RBMS3: variants seen among roughly 807,000 people sequenced by gnomAD.
RBMS3 encodes RNA-binding motif, single-stranded-interacting protein 3.
Under a neutral mutation model 66.8 loss-of-function variants are expected in RBMS3, and 27 were observed. The observed-to-expected ratio is 0.40, with a 90% CI of 0.30 to 0.56. The LOEUF (loss-of-function observed/expected upper bound fraction) is 0.56. Among genes scored for constraint, RBMS3 ranks in the 20% least tolerant of loss-of-function variants. The probability of loss-of-function intolerance (pLI) is 0.40; values close to 1 mark genes in which losing one functional copy is unlikely to be tolerated. For missense variants in RBMS3, 513 were observed against 549.5 expected, an observed-to-expected ratio of 0.93 and a Z score of 0.66; for synonymous variants, 188 against 183.0, an observed-to-expected ratio of 1.03 and a Z score of -0.22.
At chr3:29,331,291 A>C (rs2035639437) in intron 1 of RBMS3, among the ~76,000 whole-genome samples, 1 of 152,104 alleles carries the variant, frequency 6.6e-6, no homozygotes, top group Non-Finnish European at 1.5e-5. Flanking sequence ...GCCTTAGGAC[A>C]GCTGGAGACC....
At chr3:29,415,100 T>C (rs1196185397) in intron 1 of RBMS3, among the ~76,000 whole-genome samples, 1 of 152,328 alleles carries the variant, frequency 6.6e-6, no homozygotes, top group African/African-American at 2.4e-5. Flanking sequence ...AAGATTTATA[T>C]AACGCACATT....
chr3:29,890,034 G>A (rs2059962648), intron 8 of RBMS3, among the ~76,000 whole-genome samples: 1 of 151,624 alleles, frequency 6.6e-6, no homozygotes, highest in Admixed American at 6.6e-5. Flanking sequence ...TGTGTTGTTG[G>A]CAACAAGGAG....
chr3:29,427,133 C>T (rs558648903), intron 1 of RBMS3, among the ~76,000 whole-genome samples: 28 of 152,130 alleles, frequency 1.8e-4, no homozygotes, highest in Non-Finnish European at 3.5e-4. Context: ...TCTTTTATTG[C>T]TTATTTCCAT....
intron 2 of RBMS3, among the ~76,000 whole-genome samples, chr3:29,474,218 G>A (rs548782051): frequency 2.7e-4 from 41 of 152,318 alleles, no homozygotes; most frequent in Middle Eastern, 3.4e-3. Context: ...CTTTTGCTCC[G>A]CATTGTTTGA....
intron 12 of RBMS3, among the ~76,000 whole-genome samples, chr3:29,955,422 T>TA (rs1447027093): frequency 1.3e-5 from 2 of 151,984 alleles, no homozygotes; most frequent in African/African-American, 4.8e-5. Context: ...CTGCCACTCA[T>TA]ACCTTTCAGA....
rs923699872 is a variant in RBMS3 at position 29,281,284 on chromosome 3, A to C, written c.-398A>C. On this transcript the variant is annotated 5_prime_UTR_variant, in exon 1 of 15. Coordinates refer to ENST00000383767, the MANE Select transcript of RBMS3 (RefSeq NM_001003793.3). ...AGAGACAGGAAGCTGATCTGCAAGG[A>C]TTCGGAGTTGTGCTAAAAGGACTTT... is the stretch of plus-strand genomic sequence containing the variant. 5.8e-6 allele frequency: 1 copy of C among 172,528 alleles called. No homozygotes were observed. The highest frequency in any genetic ancestry group is 2.7e-5 in the African/African-American group (1 of 36,934). The allele number at this position is 172,528 out of a possible 1,614,324, so 10.7% of individuals were successfully genotyped here.
chr3:29,622,415 G>A (rs1232216006), intron 4 of RBMS3, among the ~76,000 whole-genome samples: 2 of 152,180 alleles, frequency 1.3e-5, no homozygotes, highest in Non-Finnish European at 2.9e-5. Context: ...TGTTGAGAGT[G>A]TGCATGGGCA....
In RBMS3 at chr3:29,432,613, C is replaced by T. The variant is rs547206986; in HGVS notation, c.76-2130C>T. Among the ~76,000 whole-genome samples the T allele has an allele frequency of 4.6e-5, 7 of 152,230 alleles. 1 individual carries two copies. The East Asian group carries it at 1.3e-3, about 29-fold the overall frequency. On this transcript the variant is annotated intron_variant, in intron 1 of 14. Coordinates refer to ENST00000383767, the MANE Select transcript of RBMS3 (RefSeq NM_001003793.3). ...TGTATATCAGGCACTAGGCTACATACATGACATACTCATGTATGGTTTGAC... is the reference window on the plus strand; with the variant it reads ...TGTATATCAGGCACTAGGCTACATATATGACATACTCATGTATGGTTTGAC...
At chr3:29,965,557 C>G (rs1264944037) in intron 12 of RBMS3, among the ~76,000 whole-genome samples, 1 of 151,946 alleles carries the variant, frequency 6.6e-6, no homozygotes, top group Non-Finnish European at 1.5e-5. Flanking sequence ...CGTCCTTGGC[C>G]CACTTTTTGA....
At chr3:29,464,896 A>G (rs1462800399) in intron 2 of RBMS3, among the ~76,000 whole-genome samples, 2 of 152,184 alleles carry the variant, frequency 1.3e-5, no homozygotes, top group African/African-American at 4.8e-5. Flanking sequence ...ATAACAGAAT[A>G]TTGGACTGAT....
chr3:29,465,545 T>A (rs1000700949), intron 2 of RBMS3, among the ~76,000 whole-genome samples: 121 of 150,352 alleles, frequency 8.0e-4, no homozygotes, highest in African/African-American at 2.7e-3. Flanking sequence ...TGCCCTTATT[T>A]TTTTTTTTTT....
chr3:29,857,535 A>G (rs2059110346), intron 6 of RBMS3, among the ~76,000 whole-genome samples: 2 of 146,970 alleles, frequency 1.4e-5, no homozygotes, highest in Admixed American at 1.4e-4. Flanking sequence ...ACTTGTGGAA[A>G]TGTGGGGACT....
chr3:29,472,026 T>C (rs2042746297), intron 2 of RBMS3, among the ~76,000 whole-genome samples: 1 of 152,128 alleles, frequency 6.6e-6, no homozygotes, highest in African/African-American at 2.4e-5. Flanking sequence ...CCATCAATGC[T>C]ACTACTTTCC....
chr3:29,533,465 C>T (rs1321471567), intron 3 of RBMS3, among the ~76,000 whole-genome samples: 1 of 150,438 alleles, frequency 6.6e-6, no homozygotes, highest in African/African-American at 2.4e-5. Flanking sequence ...CTGGGTGACA[C>T]AGTGAGGCCC....
At chr3:29,377,372 G>A (rs1363500477) in intron 1 of RBMS3, among the ~76,000 whole-genome samples, 4 of 152,178 alleles carry the variant, frequency 2.6e-5, no homozygotes, top group Non-Finnish European at 5.9e-5. Flanking sequence ...GGGATGTTTA[G>A]AGGTTCCCCA....
Position 29,376,950 on chromosome 3 carries a change from G to A in RBMS3, c.76-57793G>A, listed in dbSNP as rs575818728. Among the ~76,000 whole-genome samples, 8 of 152,018 alleles carry A rather than the reference G, an allele frequency of 5.3e-5. No individual in the cohort carries two copies. The South Asian group carries it at 1.2e-3, about 24-fold the overall frequency. On this transcript the variant is annotated intron_variant, in intron 1 of 14. Transcript: ENST00000383767. ...CAAAATACAAAAAAATTAGCCGGAC[G>A]TGGTGGCGGATGCCTGTAATCCCAG...
intron 1 of RBMS3, among the ~76,000 whole-genome samples, chr3:29,391,825 A>G (rs1223979068): frequency 2.6e-5 from 4 of 152,340 alleles, no homozygotes; most frequent in African/African-American, 9.6e-5. Context: ...TAAAAATATG[A>G]TTATTTTTGT....
intron 1 of RBMS3, among the ~76,000 whole-genome samples, chr3:29,309,629 G>C (rs2034249706): frequency 6.6e-6 from 1 of 151,452 alleles, no homozygotes; most frequent in Non-Finnish European, 1.5e-5. Context: ...GGTGGTGGCG[G>C]TGGTGAGAAT....
intron 4 of RBMS3, among the ~76,000 whole-genome samples, chr3:29,712,640 GT>G (rs2053224855): frequency 6.6e-6 from 1 of 152,120 alleles, no homozygotes; most frequent in East Asian, 1.9e-4. Context: ...AGTAGACTGA[GT>G]AAAGAAGATC....
Sources: allele counts gnomAD v4.1 joint callset (sites outside exome capture counted in the v4.1 genomes callset), GRCh38; gene constraint gnomAD v4.1.1; transcripts MANE v1.5; gene names NCBI Gene and HGNC (gene_info 2026-07-23, HGNC 2026-07-21).